Variants in ARHGEF1 observed in about 807,000 individuals in gnomAD.
ARHGEF1 encodes Rho guanine nucleotide exchange factor 1, also known as 115 kDa guanine nucleotide exchange factor.
A neutral mutation model predicts 119.7 loss-of-function variants in ARHGEF1; 40 were observed. The ratio of observed to expected loss-of-function variants is 0.33; its 90% CI spans 0.26 to 0.44. The LOEUF is 0.44. Among genes scored for constraint, ARHGEF1 ranks in the 20% least tolerant of loss-of-function variants. The pLI, the probability that ARHGEF1 is intolerant of heterozygous loss-of-function variation, is 1.00. For missense variants in ARHGEF1, 976 were observed against 1,268.3 expected (o/e 0.77, Z 3.50); for synonymous variants, 494 against 521.0 (o/e 0.95, Z 0.71).
rs543817088 is a variant in ARHGEF1, at chr19:41,917,656, GCACA to G, written c.1866-5428_1866-5425del. ...CATGCCCCAAAGCACACGCACGCAC[GCACA>G]CACACACCCTGACTGCACCCACCCA... On this transcript the variant is annotated intron_variant, in intron 18 of 20. Transcript: ENST00000599589. The surrounding 1 kb of genome is among the most constrained non-coding windows in gnomAD (Gnocchi z 4.8). Among the ~76,000 whole-genome samples, 1 of 151,200 alleles carries G rather than the reference GCACA, an allele frequency of 6.6e-6. No homozygotes were observed. Among genetic ancestry groups the G allele is most frequent in the African/African-American group, 2.4e-5 (1 of 41,052 alleles).
At chr19:41,896,862 T>TCCCCC in intron 13 of ARHGEF1, 1 of 232,878 alleles carries the variant, frequency 4.3e-6, no homozygotes, top group Non-Finnish European at 8.1e-6. Context: ...CTCTCTCACC[T>TCCCCC]ACCCCCTCCT....
At chr19:41,900,398 A>G (rs1443592158) in intron 14 of ARHGEF1, among the ~76,000 whole-genome samples, 1 of 152,176 alleles carries the variant, frequency 6.6e-6, no homozygotes, top group Non-Finnish European at 1.5e-5. Flanking sequence ...GCAATTAACG[A>G]AAATGTAAAG....
chr19:41,927,327 C>T (rs971011808), intron 1 of ARHGEF1, among the ~76,000 whole-genome samples: 1 of 152,136 alleles, frequency 6.6e-6, no homozygotes, highest in Non-Finnish European at 1.5e-5. Context: ...AGTGTGCAGA[C>T]CCCAGAATTG....
rs1555849722 is a variant in ARHGEF1 at position 41,904,450 on chromosome 19, G to A, written c.2161+67G>A. Reference sequence around the variant, plus strand: ...TTTTGGGCAGAGCTGCCTGTGGAGTGGGGAGCAGAACCCTCTAGAGAGCCA... The same window carrying A: ...TTTTGGGCAGAGCTGCCTGTGGAGTAGGGAGCAGAACCCTCTAGAGAGCCA... On this transcript the variant is annotated intron_variant, in intron 22 of 28. Transcript: ENST00000354532. The surrounding 1 kb of genome is among the most constrained non-coding windows in gnomAD (Gnocchi z 8.4). 3 of 1,473,728 alleles carry A rather than the reference G, an allele frequency of 2.0e-6. No homozygotes were observed. The African/African-American group carries it at 4.2e-5, about 21-fold the overall frequency. 91.3% of individuals were successfully genotyped at this position (1,473,728 alleles called of 1,614,324 possible).
rs868957623 is a variant in ARHGEF1, at chr19:41,892,416, C to A, written c.367+43C>A. 1 of 1,612,546 alleles carries A rather than the reference C, an allele frequency of 6.2e-7. No individual in the cohort carries two copies. The highest frequency in any genetic ancestry group is 8.5e-7 in the Non-Finnish European group (1 of 1,178,888). On this transcript the variant is annotated intron_variant, in intron 6 of 28. Coordinates refer to ENST00000354532, the MANE Select transcript of ARHGEF1 (RefSeq NM_004706.4). This position sits in a 1 kb window ranked among gnomAD's most constrained non-coding sequence, Gnocchi z 6.3. Reference sequence around the variant, plus strand: ...ATGAGGGAGAGGTGTCTAGCGGGGACCACACCTCCCAGGAGGCCAAGGGGA... The same window carrying A: ...ATGAGGGAGAGGTGTCTAGCGGGGAACACACCTCCCAGGAGGCCAAGGGGA...
intron 18 of ARHGEF1, among the ~76,000 whole-genome samples, chr19:41,915,773 G>GC (rs1348658272): frequency 3.9e-5 from 6 of 151,918 alleles, no homozygotes; most frequent in African/African-American, 1.5e-4. Context: ...TGCCCCTGGC[G>GC]CCCCCCTGGC....
chr19:41,905,120 C>G lies in ARHGEF1; in HGVS notation c.2250-55C>G. ...AGGGACAGGAGGGCTGTGGGGAGGC[C>G]CTGGCATAGGGTCTGGGGGCTCTGA... On this transcript the variant is annotated intron_variant, in intron 23 of 28. Coordinates refer to ENST00000354532, the MANE Select transcript of ARHGEF1 (RefSeq NM_004706.4). The surrounding 1 kb of genome is among the most constrained non-coding windows in gnomAD (Gnocchi z 6.4). 6.2e-7 allele frequency: 1 copy of G among 1,611,388 alleles called. No homozygotes were observed. Among genetic ancestry groups the G allele is most frequent in the Non-Finnish European group, 8.5e-7 (1 of 1,177,630 alleles).
chr19:41,889,095 G>A lies in ARHGEF1; in HGVS notation c.225+230G>A, dbSNP rs1232340230. ...TAGATCTCAGTGCGCAGCGGGCAGG[G>A]TACACACGTCAGGACCCCGCGGAGC... On this transcript the variant is annotated intron_variant, in intron 4 of 28. Transcript: ENST00000354532. This position sits in a 1 kb window ranked among gnomAD's most constrained non-coding sequence, Gnocchi z 4.0. The A allele has an allele frequency of 6.1e-6, 3 of 495,436 alleles. No individual in the cohort carries two copies. Among genetic ancestry groups the A allele is most frequent in the South Asian group, 5.0e-5 (2 of 39,774 alleles). The allele number at this position is 495,436 out of a possible 1,614,324, so 30.7% of individuals were successfully genotyped here.
chr19:41,906,751 G>C lies in ARHGEF1; in HGVS notation c.2704G>C (p.Gly902Arg), dbSNP rs1275085283. 5 of 1,611,438 alleles carry C rather than the reference G, an allele frequency of 3.1e-6. No individual in the cohort carries two copies. The highest frequency in any genetic ancestry group is 2.2e-5 in the East Asian group (1 of 44,750). ...CCTGAGACCCCTCCTGTCTCAGCTT[G>C]GGGGGAACTCTGTCCCCCAGCCTGG... ...CRLRPLLSQLGGNSVPQPGCT is the reference protein window; with the variant it reads ...CRLRPLLSQLRGNSVPQPGCT The change falls in exon 28 of 29, where the codon GGG (glycine) becomes CGG (arginine). Residue 902 changes from glycine (G) to arginine (R), a missense_variant. By Grantham distance (125) the Gly-to-Arg change is moderately radical. This residue lies in a region of ARHGEF1 where 171 missense variants were observed against 180.6 expected (regional missense o/e 0.95). Coordinates refer to ENST00000354532, the MANE Select transcript of ARHGEF1 (RefSeq NM_004706.4). This position sits in a 1 kb window ranked among gnomAD's most constrained non-coding sequence, Gnocchi z 4.5.
Position 41,904,204 on chromosome 19 carries a change from C to T in ARHGEF1, c.1994-12C>T, listed in dbSNP as rs1368155456. On this transcript the variant is annotated splice_polypyrimidine_tract_variant and intron_variant, in intron 21 of 28. Coordinates refer to ENST00000354532, the MANE Select transcript of ARHGEF1 (RefSeq NM_004706.4). The surrounding 1 kb of genome is among the most constrained non-coding windows in gnomAD (Gnocchi z 8.4). ...GCGGGGGCACGCCGTGTGAGCACTGCTCGCCCCGTAGAGGTGCATGTGCTG... is the reference window on the plus strand; with the variant it reads ...GCGGGGGCACGCCGTGTGAGCACTGTTCGCCCCGTAGAGGTGCATGTGCTG... 2 of 1,613,270 alleles carry T rather than the reference C, an allele frequency of 1.2e-6. No homozygotes were observed. Among genetic ancestry groups the T allele is most frequent in the Non-Finnish European group, 1.7e-6 (2 of 1,179,582 alleles).
At chr19:41,915,658 CCT>C (rs1305704330) in intron 18 of ARHGEF1, among the ~76,000 whole-genome samples, 2 of 152,100 alleles carry the variant, frequency 1.3e-5, no homozygotes, top group Non-Finnish European at 1.5e-5. Flanking sequence ...GCCCCATCTC[CCT>C]GTCTCTGTGT....
chr19:41,922,897 T>A (rs781872824), upstream of ARHGEF1, among the ~76,000 whole-genome samples: 15 of 152,190 alleles, frequency 9.9e-5, 1 homozygote, highest in Non-Finnish European at 1.2e-4. Context: ...CCGGGTCCCA[T>A]GCCCAGGCCT....
At position 41,898,599 on chromosome 19, in the gene ARHGEF1, C is replaced by T; in HGVS notation, c.1267+12C>T. The T allele has an allele frequency of 1.9e-6, 3 of 1,581,600 alleles. No homozygotes were observed. The highest frequency in any genetic ancestry group is 1.9e-4 in the Middle Eastern group (1 of 5,190). The stretch of plus-strand genomic sequence containing the variant: ...GGAGGTCATCAGCGGTGAGTACTGC[C>T]CCCATCACCCCACTGTGGCCAAGGA... On this transcript the variant is annotated intron_variant, in intron 14 of 28. Coordinates refer to ENST00000354532, the MANE Select transcript of ARHGEF1 (RefSeq NM_004706.4).
downstream of ARHGEF1, chr19:41,908,113 G>T: frequency 1.3e-6 from 1 of 792,580 alleles, no homozygotes; most frequent in Non-Finnish European, 1.7e-6. This position sits in a 1 kb window ranked among gnomAD's most constrained non-coding sequence, Gnocchi z 6.7. Flanking sequence ...GGGCAGCAAT[G>T]TGCCCAGACC....
Position 41,902,437 on chromosome 19 carries a change from C to A in ARHGEF1, c.1497+81C>A. ...GGACGGGTCCTGAGCCCACCCTACT[C>A]CAGTCCCAGGGTCTGGGCTTCCAGC... On this transcript the variant is annotated intron_variant, in intron 16 of 28. Coordinates refer to ENST00000354532, the MANE Select transcript of ARHGEF1 (RefSeq NM_004706.4). The surrounding 1 kb of genome is among the most constrained non-coding windows in gnomAD (Gnocchi z 6.5). The A allele has an allele frequency of 1.2e-6, 2 of 1,611,310 alleles. No individual in the cohort carries two copies. The highest frequency in any genetic ancestry group is 1.7e-6 in the Non-Finnish European group (2 of 1,178,620).
In ARHGEF1 at chr19:41,916,208, G is replaced by A. The variant is rs1362713217; in HGVS notation, c.1866-6884G>A. ...CACCACGTCCCACACAGCACACATC[G>A]CACAGATGCACACACCAGCACAGCC... On this transcript the variant is annotated intron_variant, in intron 18 of 20. Transcript: ENST00000599589. The surrounding 1 kb of genome is among the most constrained non-coding windows in gnomAD (Gnocchi z 5.4). 1.3e-5 allele frequency among the ~76,000 whole-genome samples: 2 copies of A among 150,764 alleles called. No homozygotes were observed. The highest frequency in any genetic ancestry group is 3.0e-5 in the Non-Finnish European group (2 of 67,646).
At chr19:41,894,704 TG>T in intron 11 of ARHGEF1, 43 bp downstream of exon 11, 1 of 1,609,790 alleles carries the variant, frequency 6.2e-7, no homozygotes, top group African/African-American at 1.3e-5. Flanking sequence ...GGGGCCTGTG[TG>T]GGAGAGGCTA....
downstream of ARHGEF1, among the ~76,000 whole-genome samples, chr19:41,910,756 A>G (rs2074747148): frequency 6.6e-6 from 1 of 152,188 alleles, no homozygotes; most frequent in African/African-American, 2.4e-5. The surrounding 1 kb of genome is among the most constrained non-coding windows in gnomAD (Gnocchi z 4.4). Flanking sequence ...CCCACGGAAG[A>G]CATGTCACAC....
At position 41,892,052 on chromosome 19, in the gene ARHGEF1, G is replaced by C. The variant is rs1457185443; in HGVS notation, c.253G>C (p.Gly85Arg). Reference protein sequence around the residue: ...LLCCLHADMLGSLGPKEAKKA... With the variant: ...LLCCLHADMLRSLGPKEAKKA... ...TTGCTGTCTGCATGCCGACATGCTG[G>C]GCTCACTGGGCCCCAAGGAGGCCAA... The change falls in exon 5 of 29, where the codon GGC becomes CGC. Residue 85 changes from glycine (G) to arginine (R), a missense_variant. Physicochemically the swap from Gly to Arg is moderately radical, Grantham distance 125. Around this residue, in one of 3 missense-constraint regions of ARHGEF1, gnomAD observed 519 missense variants for 580.9 expected, o/e 0.89. Coordinates refer to ENST00000354532, the MANE Select transcript of ARHGEF1 (RefSeq NM_004706.4). The surrounding 1 kb of genome is among the most constrained non-coding windows in gnomAD (Gnocchi z 6.3). 3 of 1,612,152 alleles carry C rather than the reference G, an allele frequency of 1.9e-6. No homozygotes were observed. The highest frequency in any genetic ancestry group is 2.5e-6 in the Non-Finnish European group (3 of 1,178,774).
Sources: gnomAD v4.1 joint callset for allele counts (sites outside exome capture counted in the v4.1 genomes callset) on GRCh38, gnomAD v4.1.1 for gene constraint, gnomAD v4.1.1 regional missense constraint, Gnocchi (gnomAD v3.1) non-coding constraint, MANE v1.5 for transcripts, NCBI Gene and HGNC (gene_info 2026-07-23, HGNC 2026-07-21) for gene names.